Variants in PPP6R1 observed in about 807,000 individuals in gnomAD.
The protein encoded by PPP6R1 is serine/threonine-protein phosphatase 6 regulatory subunit 1.
A neutral mutation model predicts 104.6 loss-of-function variants in PPP6R1; 39 were observed. The observed-to-expected ratio is 0.37, with a 90% CI of 0.29 to 0.49. The LOEUF (loss-of-function observed/expected upper bound fraction) is 0.49. PPP6R1 is among the 20% of genes least tolerant of loss of function. The pLI is 0.98. For missense variants in PPP6R1, 1,181 were observed against 1,155.8 expected, an observed-to-expected ratio of 1.02 and a Z score of -0.32; for synonymous variants, 549 against 479.0, an observed-to-expected ratio of 1.15 and a Z score of -1.91.
chr19:55,240,203 C>A (rs1432136676), intron 11 of PPP6R1, 33 bp downstream of exon 11: 3 of 1,572,572 alleles, frequency 1.9e-6, no homozygotes, highest in South Asian at 2.3e-5. Context: ...GCAGCCCCAG[C>A]CCCTGGAGAC....
chr19:55,230,539 CAG>C lies in PPP6R1; in HGVS notation c.2643-10_2643-9del, dbSNP rs752904726. ...GCCGCACCAGGCAGCTATCTGGAAA[CAG>C]AGGGAGATGTCGTGTGAGGGTCTAG... On this transcript the variant is annotated splice_polypyrimidine_tract_variant and intron_variant, in intron 23 of 23. Coordinates refer to ENST00000412770, the MANE Select transcript of PPP6R1 (RefSeq NM_014931.4). The C allele has an allele frequency of 1.9e-6, 3 of 1,613,434 alleles. No individual in the cohort carries two copies. In the African/African-American group the frequency reaches 4.0e-5, roughly 22 times the overall value.
Position 55,241,115 on chromosome 19 carries a change from C to G in PPP6R1, c.1162-36G>C. 1 of 1,538,920 alleles carries G rather than the reference C, an allele frequency of 6.5e-7. No individual in the cohort carries two copies. Among genetic ancestry groups the G allele is most frequent in the Admixed American group, 2.0e-5 (1 of 50,644 alleles). On this transcript the variant is annotated intron_variant, in intron 9 of 23. Transcript: ENST00000412770. The surrounding 1 kb of genome is among the most constrained non-coding windows in gnomAD (Gnocchi z 5.4). ...ACACAGGATTGGTACCAGAGAGGCC[C>G]CGCCCCAGCCGAGCCCCCAACCCCT...
chr19:55,231,750 C>T, intron 19 of PPP6R1, 52 bp downstream of exon 19: 1 of 1,493,908 alleles, frequency 6.7e-7, no homozygotes, highest in Non-Finnish European at 8.9e-7. Context: ...CCATGGCCAC[C>T]TCCTGGCCTC....
At chr19:55,256,186 C>A (rs1050104633) in intron 1 of PPP6R1, among the ~76,000 whole-genome samples, 1 of 152,204 alleles carries the variant, frequency 6.6e-6, no homozygotes, top group African/African-American at 2.4e-5. Flanking sequence ...GGTGGTGACT[C>A]GCAATACACA....
Position 55,242,353 on chromosome 19 carries a change from CTTAG to C in PPP6R1, c.731+19_731+22del. 2 of 1,612,520 alleles carry C rather than the reference CTTAG, an allele frequency of 1.2e-6. No individual in the cohort carries two copies. Among genetic ancestry groups the C allele is most frequent in the Non-Finnish European group, 1.7e-6 (2 of 1,178,596 alleles). On this transcript the variant is annotated intron_variant, in intron 6 of 23. Transcript: ENST00000412770. ...CTTCCCCAAGTCAGCTCCCCCCAGC[CTTAG>C]CCTTGCCCGCACACCCACTTCTCCA...
intron 1 of PPP6R1, among the ~76,000 whole-genome samples, chr19:55,257,135 G>A (rs559844584): frequency 2.7e-5 from 4 of 150,318 alleles, no homozygotes; most frequent in African/African-American, 9.8e-5. Context: ...AGCTCCAACA[G>A]CCATCCCACC....
Position 55,242,481 on chromosome 19 carries a change from G to T in PPP6R1, c.626C>A (p.Ser209Tyr). 1 of 1,613,174 alleles carries T rather than the reference G, an allele frequency of 6.2e-7. No individual in the cohort carries two copies. The highest frequency in any genetic ancestry group is 1.1e-5 in the South Asian group (1 of 91,054). Reference protein sequence around the residue: ...IHPSKDENQHSNASQSLCDII... With the variant: ...IHPSKDENQHYNASQSLCDII... ...GTCACACAGGGACTGGGATGCGTTG[G>T]AATGTTGCTGGAACGGGGAGAGACA... The change falls in exon 6 of 24, where the codon TCC (serine) becomes TAC (tyrosine). Residue 209 changes from serine to tyrosine, a missense_variant. Around this residue, in one of 2 missense-constraint regions of PPP6R1, gnomAD observed 1,042 missense variants for 955.6 expected, o/e 1.09. Transcript: ENST00000412770.
rs200736594 is a variant in PPP6R1, at chr19:55,231,435, G to T, written c.2434C>A (p.Arg812Ser). The T allele has an allele frequency of 3.1e-6, 5 of 1,605,478 alleles. No homozygotes were observed. Among genetic ancestry groups the T allele is most frequent in the East Asian group, 4.5e-5 (2 of 44,586 alleles). Residue 812 changes from arginine (R) to serine (S), a missense_variant, in exon 21 of 24, where the codon CGT (arginine) becomes AGT (serine). Arg to Ser is a moderately radical substitution (Grantham distance 110, BLOSUM62 -1). This residue lies in a region of PPP6R1 where 1,042 missense variants were observed against 955.6 expected (regional missense o/e 1.09). Coordinates refer to ENST00000412770, the MANE Select transcript of PPP6R1 (RefSeq NM_014931.4). ...CTGTCCGAGGAGCTGGGGGCAGAACGGATCCCGTGGAAGGTGGCCTGAAGG... is the reference window on the plus strand; with the variant it reads ...CTGTCCGAGGAGCTGGGGGCAGAACTGATCCCGTGGAAGGTGGCCTGAAGG... Reference protein sequence around the residue: ...GDLQATFHGIRSAPSSSDSAT... With the variant: ...GDLQATFHGISSAPSSSDSAT...
At chr19:55,250,771 C>G (rs1028308029) in intron 1 of PPP6R1, among the ~76,000 whole-genome samples, 1 of 152,132 alleles carries the variant, frequency 6.6e-6, no homozygotes, top group Non-Finnish European at 1.5e-5. Flanking sequence ...CACCGCTGAC[C>G]TCCCCAAACA....
downstream of PPP6R1, chr19:55,228,336 C>G (rs1337310136): frequency 5.6e-6 from 9 of 1,613,798 alleles, no homozygotes; most frequent in Non-Finnish European, 7.6e-6. Flanking sequence ...GGCACTTGAC[C>G]AGGGCAGCGA....
Position 55,241,714 on chromosome 19 carries a change from C to T in PPP6R1, c.846-75G>A. 6.9e-7 allele frequency: 1 copy of T among 1,451,280 alleles called. No individual in the cohort carries two copies. The highest frequency in any genetic ancestry group is 9.2e-7 in the Non-Finnish European group (1 of 1,089,266). The allele number at this position is 1,451,280 out of a possible 1,614,324, so 89.9% of individuals were successfully genotyped here. ...CCCACACAGGAGTAGGCACAAGGAC[C>T]ACGTCTGCAGGGTCTGGAGGAAAAC... On this transcript the variant is annotated intron_variant, in intron 7 of 23. Coordinates refer to ENST00000412770, the MANE Select transcript of PPP6R1 (RefSeq NM_014931.4). The surrounding 1 kb of genome is among the most constrained non-coding windows in gnomAD (Gnocchi z 5.4).
intron 1 of PPP6R1, among the ~76,000 whole-genome samples, chr19:55,251,136 T>C (rs939122965): frequency 6.6e-6 from 1 of 152,198 alleles, no homozygotes; most frequent in East Asian, 1.9e-4. Context: ...GCCCCGCCTT[T>C]GTCCACCACT....
chr19:55,232,948 C>T (rs1280024175), intron 17 of PPP6R1: 1 of 152,244 alleles, frequency 6.6e-6, no homozygotes, highest in Admixed American at 6.5e-5. Context: ...GATGGTGGCG[C>T]CTCCTGTACA....
At chr19:55,243,622 C>T (rs994177197) in intron 5 of PPP6R1, among the ~76,000 whole-genome samples, 2 of 151,800 alleles carry the variant, frequency 1.3e-5, no homozygotes, top group Non-Finnish European at 2.9e-5. Flanking sequence ...GGCAAGATCA[C>T]GCCACTGCAC....
In PPP6R1 at chr19:55,241,609, G is replaced by T; in HGVS notation, c.876C>A (p.Phe292Leu). Residue 292 changes from phenylalanine to leucine, a missense_variant, in exon 8 of 24, where the codon TTC becomes TTA. Transcript: ENST00000412770. This position sits in a 1 kb window ranked among gnomAD's most constrained non-coding sequence, Gnocchi z 5.4. ...GCTCCAGCTGCCCATCCACACTGCTGAAGAAGCTGTTCACGGTCACGGACT... is the reference window on the plus strand; with the variant it reads ...GCTCCAGCTGCCCATCCACACTGCTTAAGAAGCTGTTCACGGTCACGGACT... ...RSESVTVNSFFSSVDGQLELL... is the reference protein window; with the variant it reads ...RSESVTVNSFLSSVDGQLELL... The T allele has an allele frequency of 6.3e-7, 1 of 1,586,882 alleles. No homozygotes were observed.
At chr19:55,243,152 C>T (rs993868897) in intron 5 of PPP6R1, among the ~76,000 whole-genome samples, 11 of 152,182 alleles carry the variant, frequency 7.2e-5, no homozygotes, top group South Asian at 2.1e-4. Context: ...CGGTGGCTCA[C>T]GCCTGTAATC....
At chr19:55,230,751 C>CCCCCCCCCCG in intron 22 of PPP6R1, 23 bp downstream of exon 22, 1 of 1,472,546 alleles carries the variant, frequency 6.8e-7, no homozygotes, top group Non-Finnish European at 9.1e-7. Flanking sequence ...CCCACCCCCC[C>CCCCCCCCCCG]GCCCTGCTGC....
chr19:55,246,750 T>G (rs2087512056), intron 2 of PPP6R1, 127 bp downstream of exon 2: 1 of 951,938 alleles, frequency 1.1e-6, no homozygotes, highest in Non-Finnish European at 1.5e-6. Flanking sequence ...GCTCCCAGCC[T>G]CGTCTTCCTC....
Position 55,230,597 on chromosome 19 carries a change from C to T in PPP6R1, c.2642+16G>A. The T allele has an allele frequency of 6.2e-7, 1 of 1,612,678 alleles. No homozygotes were observed. The highest frequency in any genetic ancestry group is 8.5e-7 in the Non-Finnish European group (1 of 1,179,412). Reference sequence around the variant, plus strand: ...CCAGCCCCACCTACCCAGCCCGAGGCTGCAGCCACACTCACTGGGAGCCTG... The same window carrying T: ...CCAGCCCCACCTACCCAGCCCGAGGTTGCAGCCACACTCACTGGGAGCCTG... On this transcript the variant is annotated intron_variant, in intron 23 of 23. Transcript: ENST00000412770.
Sources: gnomAD v4.1 joint callset for allele counts (sites outside exome capture counted in the v4.1 genomes callset) on GRCh38, gnomAD v4.1.1 for gene constraint, gnomAD v4.1.1 regional missense constraint, Gnocchi (gnomAD v3.1) non-coding constraint, MANE v1.5 for transcripts, NCBI Gene and HGNC (gene_info 2026-07-23, HGNC 2026-07-21) for gene names.